Variants in ASH2L observed in about 807,000 individuals in gnomAD.
ASH2L encodes the protein ASH2 like, histone lysine methyltransferase complex subunit.
A neutral mutation model predicts 81.1 loss-of-function variants in ASH2L; 30 were observed. The observed-to-expected ratio is 0.37, with a 90% CI of 0.28 to 0.50. The LOEUF is 0.50. Among genes scored for constraint, ASH2L ranks in the 20% least tolerant of loss-of-function variants. The probability of loss-of-function intolerance (pLI) is 0.95; values close to 1 mark genes in which losing one functional copy is unlikely to be tolerated. For missense variants in ASH2L, 559 were observed against 792.1 expected, an observed-to-expected ratio of 0.71 and a Z score of 3.53; for synonymous variants, 273 against 279.9, an observed-to-expected ratio of 0.98 and a Z score of 0.24.
At chr8:38,116,829 C>A in intron 8 of ASH2L, 104 bp downstream of exon 8, 1 of 940,396 alleles carries the variant, frequency 1.1e-6, no homozygotes, top group Non-Finnish European at 1.6e-6. Context: ...TGGATACTTA[C>A]TAAAATGCTT....
intron 13 of ASH2L, 64 bp from the exon 14 acceptor site, chr8:38,135,604 G>A: frequency 8.2e-7 from 1 of 1,226,740 alleles, no homozygotes; most frequent in Non-Finnish European, 1.2e-6. Flanking sequence ...TATTTTCCTA[G>A]AGAGTTCTTT....
Position 38,121,029 on chromosome 8 carries a change from G to A in ASH2L, c.1045G>A (p.Asp349Asn). The change falls in exon 10 of 16, where the codon GAT becomes AAT. Residue 349 changes from aspartate to asparagine, a missense_variant. Asp to Asn is a conservative substitution (Grantham distance 23, BLOSUM62 1). This residue lies in a region of ASH2L where 318 missense variants were observed against 527.0 expected (regional missense o/e 0.60). Coordinates refer to ENST00000343823, the MANE Select transcript of ASH2L (RefSeq NM_004674.5). The part of the protein sequence containing the change: ...DGYRYILAEP[D>N]PHAPDPEKLE... ...CTATCGGTATATTCTAGCTGAGCCTGATCCGCACGCCCCTGACCCCGAGAA... is the reference window on the plus strand; with the variant it reads ...CTATCGGTATATTCTAGCTGAGCCTAATCCGCACGCCCCTGACCCCGAGAA... 1 of 1,613,764 alleles carries A rather than the reference G, an allele frequency of 6.2e-7. No individual in the cohort carries two copies. Among genetic ancestry groups the A allele is most frequent in the Non-Finnish European group, 8.5e-7 (1 of 1,179,930 alleles).
chr8:38,125,334 A>G (rs1259088061), intron 10 of ASH2L, among the ~76,000 whole-genome samples: 8 of 152,184 alleles, frequency 5.3e-5, no homozygotes, highest in African/African-American at 9.7e-5. Context: ...AAATGCGGCT[A>G]TTGGGGCCAG....
chr8:38,110,900 C>T (rs1298468238), intron 5 of ASH2L, 67 bp downstream of exon 5: 2 of 1,239,630 alleles, frequency 1.6e-6, no homozygotes, highest in Non-Finnish European at 2.3e-6. Flanking sequence ...AATATACTCC[C>T]TAACAAGTAC....
chr8:38,113,116 A>G (rs1810753449), intron 5 of ASH2L, among the ~76,000 whole-genome samples: 1 of 151,964 alleles, frequency 6.6e-6, no homozygotes, highest in Admixed American at 6.6e-5. Context: ...CTACTGGCGC[A>G]TGCCACCATG....
rs1454972181 is a variant in ASH2L, at chr8:38,139,856, C to G, written c.*785C>G. ...TCCTATTGCTCCCATTCTTGCCAAT[C>G]AGCCACCCCCTTTCCTGTGAAAATC... On this transcript the variant is annotated 3_prime_UTR_variant, in exon 16 of 16. Coordinates refer to ENST00000343823, the MANE Select transcript of ASH2L (RefSeq NM_004674.5). 6.6e-6 allele frequency: 1 copy of G among 152,162 alleles called. No individual in the cohort carries two copies. Among genetic ancestry groups the G allele is most frequent in the Non-Finnish European group, 1.5e-5 (1 of 68,054 alleles). The allele number at this position is 152,162 out of a possible 1,614,324, so 9.4% of individuals were successfully genotyped here.
intron 10 of ASH2L, chr8:38,124,572 G>C (rs1315546102): frequency 1.3e-5 from 2 of 152,260 alleles, no homozygotes; most frequent in African/African-American, 2.4e-5. Context: ...CTGGAGTGCA[G>C]TGGTGTAATC....
chr8:38,112,263 G>A (rs973509292), intron 5 of ASH2L, among the ~76,000 whole-genome samples: 5 of 152,004 alleles, frequency 3.3e-5, no homozygotes, highest in African/African-American at 9.7e-5. Context: ...CCTTCCAAAC[G>A]TCTGGGAATA....
Position 38,115,020 on chromosome 8 carries a change from ATT to A in ASH2L, c.777+23_777+24del. On this transcript the variant is annotated intron_variant, in intron 7 of 15. Coordinates refer to ENST00000343823, the MANE Select transcript of ASH2L (RefSeq NM_004674.5). ...GATCAGGTACATTAATATGTTTTAC[ATT>A]TTCTTTTTGATTTTAAGCCACTCGG... 1 of 1,525,246 alleles carries A rather than the reference ATT, an allele frequency of 6.6e-7. No homozygotes were observed. Among genetic ancestry groups the A allele is most frequent in the Non-Finnish European group, 9.1e-7 (1 of 1,100,220 alleles). The allele number at this position is 1,525,246 out of a possible 1,614,324, so 94.5% of individuals were successfully genotyped here.
intron 1 of ASH2L, 88 bp downstream of exon 1, chr8:38,105,826 C>T (rs1265188949): frequency 9.6e-6 from 14 of 1,460,466 alleles, no homozygotes; most frequent in African/African-American, 4.3e-5. Context: ...CCGCCCGCCC[C>T]CTGCGAACCC....
Position 38,138,951 on chromosome 8 carries a change from A to G in ASH2L, c.1780-13A>G, listed in dbSNP as rs752999321. 19 of 1,613,370 alleles carry G rather than the reference A, an allele frequency of 1.2e-5. No homozygotes were observed. The highest frequency in any genetic ancestry group is 1.6e-5 in the Non-Finnish European group (19 of 1,179,578). On this transcript the variant is annotated splice_polypyrimidine_tract_variant and intron_variant, in intron 15 of 15. Transcript: ENST00000343823. ...CTGTAGTCACCGTGTTCTGTTTCTC[A>G]TTCCTCCTGCAGATGAGTGACATGG... is the stretch of plus-strand genomic sequence containing the variant.
At chr8:38,107,868 A>ATGTGTG (rs10542885) in intron 3 of ASH2L, among the ~76,000 whole-genome samples, 4,252 of 141,450 alleles carry the variant, frequency 0.03, 115 homozygotes, top group African/African-American at 0.072. Flanking sequence ...AAATACATAT[A>ATGTGTG]TGTGTGTGTG....
chr8:38,107,866 A>ATG (rs1276322577), intron 3 of ASH2L, among the ~76,000 whole-genome samples: 58 of 106,036 alleles, frequency 5.5e-4, no homozygotes, highest in African/African-American at 1.2e-3. Flanking sequence ...AGAAATACAT[A>ATG]TATGTGTGTG....
intron 12 of ASH2L, among the ~76,000 whole-genome samples, chr8:38,132,326 T>C (rs1263839409): frequency 6.6e-6 from 1 of 152,244 alleles, no homozygotes; most frequent in South Asian, 2.1e-4. Context: ...CCATGTTTAA[T>C]ACATATATAT....
intron 12 of ASH2L, among the ~76,000 whole-genome samples, chr8:38,132,655 C>T (rs547996516): frequency 6.6e-6 from 1 of 151,120 alleles, no homozygotes; most frequent in African/African-American, 2.4e-5. Flanking sequence ...AAAAAGTAAC[C>T]GGGTGTGGTG....
chr8:38,111,216 C>T (rs1329573630), intron 5 of ASH2L, among the ~76,000 whole-genome samples: 1 of 152,162 alleles, frequency 6.6e-6, no homozygotes, highest in African/African-American at 2.4e-5. Context: ...CAGGCGTGAG[C>T]CACCGCACCT....
chr8:38,120,608 T>C (rs1455059011), intron 9 of ASH2L, among the ~76,000 whole-genome samples: 6 of 6,456 alleles, frequency 9.3e-4, no homozygotes, highest in African/African-American at 1.4e-3. Context: ...CCCCCATTCC[T>C]CTCCTCCCTT....
intron 3 of ASH2L, 138 bp downstream of exon 3, chr8:38,107,304 A>T (rs994731620): frequency 5.3e-6 from 6 of 1,127,668 alleles, no homozygotes; most frequent in African/African-American, 4.6e-5. Flanking sequence ...AGGATGTTGA[A>T]TCAGGAGTTG....
In ASH2L at chr8:38,139,404, C is replaced by T. The variant is rs906202318; in HGVS notation, c.*333C>T. On this transcript the variant is annotated 3_prime_UTR_variant, in exon 16 of 16. Coordinates refer to ENST00000343823, the MANE Select transcript of ASH2L (RefSeq NM_004674.5). ...TTTCTAAGGAGTGAATAATATTGTC[C>T]GAGTAACTAACTTATTTAAAAGACA... The T allele has an allele frequency of 1.0e-5, 2 of 193,360 alleles. No homozygotes were observed. The highest frequency in any genetic ancestry group is 5.7e-5 in the Admixed American group (1 of 17,542). The allele number at this position is 193,360 out of a possible 1,614,324, so 12.0% of individuals were successfully genotyped here.
Sources: gnomAD v4.1 joint callset for allele counts (sites outside exome capture counted in the v4.1 genomes callset) on GRCh38, gnomAD v4.1.1 for gene constraint, gnomAD v4.1.1 regional missense constraint, MANE v1.5 for transcripts, NCBI Gene and HGNC (gene_info 2026-07-23, HGNC 2026-07-21) for gene names.